ZNF267: variants seen among roughly 807,000 people sequenced by gnomAD.
ZNF267 encodes the protein zinc finger protein 267.
A neutral mutation model predicts 71.6 loss-of-function variants in ZNF267; 61 were observed. That is an observed-to-expected ratio of 0.85 (90% CI 0.69 to 1.05). The LOEUF (loss-of-function observed/expected upper bound fraction) is 1.05. Among genes scored for constraint, ZNF267 ranks in the 50% least tolerant of loss-of-function variants. The pLI is 0.00. For missense variants in ZNF267, 852 were observed against 870.0 expected (o/e 0.98, Z 0.26); for synonymous variants, 288 against 293.2 (o/e 0.98, Z 0.18).
chr16:31,914,320 A>T (rs944898595), intron 3 of ZNF267, 156 bp from the exon 4 acceptor site: 2 of 642,258 alleles, frequency 3.1e-6, no homozygotes, highest in African/African-American at 1.9e-5. Flanking sequence ...ACTTTATTGT[A>T]GTAAAGTTTG....
intron 3 of ZNF267, among the ~76,000 whole-genome samples, chr16:31,900,667 A>G (rs141474982): frequency 6.6e-6 from 1 of 150,412 alleles, no homozygotes; most frequent in South Asian, 2.1e-4. Flanking sequence ...GATGGTCTTG[A>G]TCTCCTGACC....
chr16:31,894,230 G>T (rs3913868), intron 3 of ZNF267, among the ~76,000 whole-genome samples: 133,882 of 152,286 alleles, frequency 0.88, 60,361 homozygotes, highest in East Asian at 1. Context: ...CTAGATTTGA[G>T]GAAAATCTTT....
intron 1 of ZNF267, among the ~76,000 whole-genome samples, chr16:31,882,758 G>A (rs2083898882): frequency 6.6e-6 from 1 of 152,174 alleles, no homozygotes; most frequent in Non-Finnish European, 1.5e-5. Flanking sequence ...GGGCCCATCT[G>A]TGCATTAGCA....
chr16:31,885,764 A>G (rs2083919957), intron 3 of ZNF267, among the ~76,000 whole-genome samples: 1 of 152,248 alleles, frequency 6.6e-6, no homozygotes, highest in African/African-American at 2.4e-5. Flanking sequence ...AGAAATTAAG[A>G]TGCAGTAATT....
At chr16:31,902,532 G>A (rs1380116878) in intron 3 of ZNF267, among the ~76,000 whole-genome samples, 1 of 151,866 alleles carries the variant, frequency 6.6e-6, no homozygotes, top group African/African-American at 2.4e-5. Flanking sequence ...GGATTCCTAG[G>A]TATTTTATTC....
chr16:31,900,802 TTTATTTTA>T lies in ZNF267; in HGVS notation c.227-13668_227-13661del, dbSNP rs1227350545. 2.1e-5 allele frequency among the ~76,000 whole-genome samples: 3 copies of T among 145,394 alleles called. No homozygotes were observed. In the East Asian group the frequency reaches 5.8e-4, roughly 28 times the overall value. On this transcript the variant is annotated intron_variant, in intron 3 of 3. Transcript: ENST00000300870. ...TTTTTAACTTATTTTTATTTTTTTA[TTTATTTTA>T]TTATTATATTTTAAGTTTTAGGGTA... is the stretch of plus-strand genomic sequence containing the variant.
intron 1 of ZNF267, among the ~76,000 whole-genome samples, chr16:31,878,527 T>C (rs2083867820): frequency 6.6e-6 from 1 of 152,214 alleles, no homozygotes. Context: ...TCCTGGCTTG[T>C]TGTAATCCCA....
chr16:31,875,154 C>T (rs1425395977), intron 1 of ZNF267: 3 of 1,289,040 alleles, frequency 2.3e-6, no homozygotes, highest in Non-Finnish European at 3.0e-6. Flanking sequence ...CTTTACAGGG[C>T]CCTGTATAGC....
intron 3 of ZNF267, among the ~76,000 whole-genome samples, chr16:31,897,064 G>T (rs181981029): frequency 2.7e-5 from 4 of 150,380 alleles, no homozygotes; most frequent in African/African-American, 7.3e-5. Context: ...TGGAAACGAG[G>T]AAGTTAAATG....
At chr16:31,902,151 A>G (rs1013493220) in intron 3 of ZNF267, among the ~76,000 whole-genome samples, 2 of 152,066 alleles carry the variant, frequency 1.3e-5, no homozygotes, top group East Asian at 3.9e-4. Context: ...CCACTGGTCT[A>G]TATCTCTGTT....
intron 3 of ZNF267, among the ~76,000 whole-genome samples, chr16:31,909,120 C>CTTTTTTTTTTTTTTTTTTTTTTTT (rs34409182): frequency 4.4e-5 from 2 of 45,324 alleles, no homozygotes; most frequent in African/African-American, 8.6e-5. Context: ...CTTTTCTTTT[C>CTTTTTTTTTTTTTTTTTTTTTTTT]TTTTTTTTTT....
chr16:31,886,936 C>T (rs926817035), intron 3 of ZNF267, among the ~76,000 whole-genome samples: 18 of 152,084 alleles, frequency 1.2e-4, no homozygotes, highest in Admixed American at 2.6e-4. Context: ...GAGGTGCCTT[C>T]GTGCCATTTT....
At chr16:31,891,224 C>T (rs535348552) in intron 3 of ZNF267, among the ~76,000 whole-genome samples, 138 of 152,216 alleles carry the variant, frequency 9.1e-4, no homozygotes, top group African/African-American at 3.2e-3. Flanking sequence ...CACAGTTTTT[C>T]TCCCTTTCAC....
At chr16:31,882,557 T>C (rs2083897784) in intron 1 of ZNF267, among the ~76,000 whole-genome samples, 1 of 152,156 alleles carries the variant, frequency 6.6e-6, no homozygotes. Context: ...TACCAAATGA[T>C]ATGTATGCGT....
intron 3 of ZNF267, among the ~76,000 whole-genome samples, chr16:31,910,944 G>A (rs1333862920): frequency 6.6e-6 from 1 of 151,366 alleles, no homozygotes; most frequent in Non-Finnish European, 1.5e-5. Flanking sequence ...TTTCTTTACT[G>A]ATCCAATTTT....
Position 31,914,470 on chromosome 16 carries a change from T to C in ZNF267, c.227-6T>C, listed in dbSNP as rs2084157093. ...TTGGAATTCTTAAAATTTTTATATCTTTCAGATGTGTTTTCGCATTATAAC... is the reference window on the plus strand; with the variant it reads ...TTGGAATTCTTAAAATTTTTATATCCTTCAGATGTGTTTTCGCATTATAAC... On this transcript the variant is annotated splice_polypyrimidine_tract_variant and splice_region_variant and intron_variant, in intron 3 of 3. Coordinates refer to ENST00000300870, the MANE Select transcript of ZNF267 (RefSeq NM_003414.6). The C allele has an allele frequency of 6.4e-7, 1 of 1,558,646 alleles. No homozygotes were observed. The highest frequency in any genetic ancestry group is 1.4e-5 in the African/African-American group (1 of 72,336).
Position 31,908,027 on chromosome 16 carries a change from C to T in ZNF267, c.227-6449C>T, listed in dbSNP as rs370578408. Reference sequence around the variant, plus strand: ...CACTGCACTGCAGCCTGGGTGACAACGCAAGACTCTGTCTCAAAAAAAAAA... The same window carrying T: ...CACTGCACTGCAGCCTGGGTGACAATGCAAGACTCTGTCTCAAAAAAAAAA... On this transcript the variant is annotated intron_variant, in intron 3 of 3. Coordinates refer to ENST00000300870, the MANE Select transcript of ZNF267 (RefSeq NM_003414.6). 3.0e-4 allele frequency among the ~76,000 whole-genome samples: 45 copies of T among 151,124 alleles called. No homozygotes were observed. In the South Asian group the frequency reaches 7.3e-3, roughly 25 times the overall value.
chr16:31,916,032 C>T lies in ZNF267; in HGVS notation c.1783C>T (p.Arg595Trp), dbSNP rs79859029. 2,756 of 1,613,406 alleles carry T rather than the reference C, an allele frequency of 1.7e-3. 7 individuals are homozygous for T. Among genetic ancestry groups the T allele is most frequent in the Non-Finnish European group, 2.2e-3 (2,627 of 1,179,864 alleles). ...TGACTCCTCAGGTCTTACTGTGCATCGGCGAACTCATACTGGAGAGAAACC... is the reference window on the plus strand; with the variant it reads ...TGACTCCTCAGGTCTTACTGTGCATTGGCGAACTCATACTGGAGAGAAACC... ...FSDSSGLTVHRRTHTGEKPYT... is the reference protein window; with the variant it reads ...FSDSSGLTVHWRTHTGEKPYT... The change falls in exon 4 of 4, where the codon CGG (arginine) becomes TGG (tryptophan). Residue 595 changes from arginine to tryptophan, a missense_variant. By Grantham distance (101) the Arg-to-Trp change is moderately radical. Coordinates refer to ENST00000300870, the MANE Select transcript of ZNF267 (RefSeq NM_003414.6).
At chr16:31,893,443 T>C (rs931330279) in intron 3 of ZNF267, among the ~76,000 whole-genome samples, 2 of 152,274 alleles carry the variant, frequency 1.3e-5, no homozygotes, top group Non-Finnish European at 2.9e-5. Context: ...TCATTACTTA[T>C]GGAAATATCT....
Sources: allele counts gnomAD v4.1 joint callset (sites outside exome capture counted in the v4.1 genomes callset), GRCh38; gene constraint gnomAD v4.1.1; transcripts MANE v1.5; gene names NCBI Gene and HGNC (gene_info 2026-07-23, HGNC 2026-07-21).